TTC28: variants seen among roughly 807,000 people sequenced by gnomAD.
TTC28 encodes tetratricopeptide repeat domain 28.
In TTC28, 61 loss-of-function variants were observed where a neutral mutation model predicts 198.0. The observed-to-expected ratio is 0.31, with a 90% CI of 0.25 to 0.38. The LOEUF (loss-of-function observed/expected upper bound fraction) is 0.38, where lower values mean the gene tolerates loss of function less well. TTC28 is among the 10% of genes least tolerant of loss of function. TTC28 has a pLI of 1.00. For missense variants in TTC28, 2,678 were observed against 3,164.0 expected (o/e 0.85, Z 3.69); for synonymous variants, 1,171 against 1,297.8 (o/e 0.90, Z 2.10).
At chr22:28,069,401 T>C (rs748354799) in intron 12 of TTC28, among the ~76,000 whole-genome samples, 16 of 152,138 alleles carry the variant, frequency 1.1e-4, no homozygotes, top group Non-Finnish European at 2.2e-4. Flanking sequence ...GTCTGACACA[T>C]GGAAAGTGCC....
At chr22:28,138,714 G>A (rs537438894) in intron 6 of TTC28, among the ~76,000 whole-genome samples, 167 of 152,304 alleles carry the variant, frequency 1.1e-3, no homozygotes, top group African/African-American at 3.9e-3. Context: ...CAGTACGTGA[G>A]AGACCCTGTG....
chr22:28,105,196 C>G, intron 8 of TTC28, 83 bp downstream of exon 8: 1 of 1,429,060 alleles, frequency 7.0e-7, no homozygotes. Context: ...TCAAACTGTG[C>G]ATACTTCCCT....
At chr22:28,341,703 T>C (rs542702010) in intron 2 of TTC28, among the ~76,000 whole-genome samples, 3 of 152,012 alleles carry the variant, frequency 2.0e-5, no homozygotes, top group Non-Finnish European at 4.4e-5. Context: ...GGCAGGAGAA[T>C]TGCTTGAACC....
At chr22:28,561,649 A>G (rs1300476772) in intron 2 of TTC28, among the ~76,000 whole-genome samples, 1 of 152,106 alleles carries the variant, frequency 6.6e-6, no homozygotes, top group African/African-American at 2.4e-5. Context: ...ATTTAACATG[A>G]ATTATAAAAC....
intron 6 of TTC28, among the ~76,000 whole-genome samples, chr22:28,144,686 G>A (rs1569161156): frequency 6.6e-6 from 1 of 152,202 alleles, no homozygotes; most frequent in African/African-American, 2.4e-5. Context: ...GTCAATTTAC[G>A]TGGCATCAAA....
At chr22:28,625,300 T>C (rs1467189661) in intron 2 of TTC28, among the ~76,000 whole-genome samples, 3 of 152,192 alleles carry the variant, frequency 2.0e-5, no homozygotes, top group Non-Finnish European at 2.9e-5. Context: ...CATTACCATG[T>C]GCATAGAAAA....
intron 5 of TTC28, among the ~76,000 whole-genome samples, chr22:28,252,571 T>C (rs1930593858): frequency 6.6e-6 from 1 of 152,174 alleles, no homozygotes; most frequent in African/African-American, 2.4e-5. Context: ...CTAGGATCCT[T>C]TTTTCTTCTC....
intron 5 of TTC28, among the ~76,000 whole-genome samples, chr22:28,262,928 C>T (rs768168289): frequency 1.3e-5 from 2 of 152,008 alleles, no homozygotes; most frequent in African/African-American, 2.4e-5. Context: ...AGAGTGGAAG[C>T]GAAGCTACAG....
At chr22:28,274,857 T>C (rs1223814179) in intron 5 of TTC28, among the ~76,000 whole-genome samples, 1 of 151,410 alleles carries the variant, frequency 6.6e-6, no homozygotes, top group African/African-American at 2.4e-5. Flanking sequence ...CGCATGCCTG[T>C]AATCCCAGCT....
intron 2 of TTC28, among the ~76,000 whole-genome samples, chr22:28,552,302 T>C (rs1355780814): frequency 6.6e-6 from 1 of 152,138 alleles, no homozygotes; most frequent in African/African-American, 2.4e-5. Context: ...AATGACCATC[T>C]TGCCAAGAGC....
At chr22:28,392,480 T>C (rs1400865670) in intron 2 of TTC28, among the ~76,000 whole-genome samples, 2 of 152,212 alleles carry the variant, frequency 1.3e-5, no homozygotes, top group African/African-American at 4.8e-5. Context: ...ACTGCTGTGC[T>C]AGCAATCAGG....
Position 28,325,220 on chromosome 22 carries a change from A to G in TTC28, c.382-18577T>C, listed in dbSNP as rs964836568. On this transcript the variant is annotated intron_variant, in intron 2 of 22. Transcript: ENST00000397906. Reference sequence around the variant, plus strand: ...TAGTCTTGGGAGGGTGTATGTGTTCAGGAATTTATCCATTTCTTCTAAATT... The same window carrying G: ...TAGTCTTGGGAGGGTGTATGTGTTCGGGAATTTATCCATTTCTTCTAAATT... Among the ~76,000 whole-genome samples, 40 of 152,190 alleles carry G rather than the reference A, an allele frequency of 2.6e-4. 1 individual carries two copies. Among genetic ancestry groups the G allele is most frequent in the Non-Finnish European group, 2.9e-5 (2 of 68,040 alleles).
chr22:27,985,426 A>AG, intron 21 of TTC28, 70 bp from the exon 22 acceptor site: 1 of 1,272,146 alleles, frequency 7.9e-7, no homozygotes. Flanking sequence ...TGAGCGCTAT[A>AG]GGGCTCCTTG....
At chr22:28,321,482 T>C (rs2045444728) in intron 2 of TTC28, among the ~76,000 whole-genome samples, 2 of 152,342 alleles carry the variant, frequency 1.3e-5, no homozygotes, top group African/African-American at 4.8e-5. Flanking sequence ...ACACCATTAA[T>C]TCTTTTATCA....
intron 1 of TTC28, among the ~76,000 whole-genome samples, chr22:28,640,553 T>C (rs1434837891): frequency 7.2e-6 from 1 of 139,598 alleles, no homozygotes; most frequent in Non-Finnish European, 1.6e-5. Flanking sequence ...ACGTCTGTCA[T>C]AGTCAAACTG....
intron 2 of TTC28, among the ~76,000 whole-genome samples, chr22:28,364,150 A>T (rs2046206789): frequency 1.3e-5 from 2 of 152,154 alleles, no homozygotes; most frequent in African/African-American, 4.8e-5. Flanking sequence ...TGTGGGAGCG[A>T]CCCAGTGGGA....
At chr22:27,995,148 C>A (rs1308661430) in intron 17 of TTC28, among the ~76,000 whole-genome samples, 2 of 152,208 alleles carry the variant, frequency 1.3e-5, no homozygotes, top group Non-Finnish European at 2.9e-5. Flanking sequence ...TCAGGCCCAA[C>A]CCACGGGCAA....
chr22:28,622,090 A>G (rs1358013121), intron 2 of TTC28, among the ~76,000 whole-genome samples: 1 of 152,182 alleles, frequency 6.6e-6, no homozygotes, highest in African/African-American at 2.4e-5. Flanking sequence ...TTTTGGAGGA[A>G]GAAAGCTGTA....
At chr22:28,642,214 A>T (rs149248821) in intron 1 of TTC28, among the ~76,000 whole-genome samples, 3,312 of 141,434 alleles carry the variant, frequency 0.023, 124 homozygotes, top group African/African-American at 0.082. Flanking sequence ...TTTGATTAAT[A>T]AAAAAAAAAA....
Sources: allele counts gnomAD v4.1 joint callset (sites outside exome capture counted in the v4.1 genomes callset), GRCh38; gene constraint gnomAD v4.1.1; transcripts MANE v1.5; gene names NCBI Gene and HGNC (gene_info 2026-07-23, HGNC 2026-07-21).